DGKB: variants seen among roughly 807,000 people sequenced by gnomAD.
DGKB encodes the protein 90 kDa diacylglycerol kinase.
DGKB carries 67 observed loss-of-function variants against 114.3 expected under a neutral mutation model. That is an observed-to-expected ratio of 0.59 (90% confidence interval 0.48 to 0.72). The LOEUF is 0.72. Among genes scored for constraint, DGKB ranks in the 30% least tolerant of loss-of-function variants. DGKB has a pLI of 0.00. For synonymous variants in DGKB, 398 were observed against 323.1 expected (o/e 1.23, Z -2.49); for missense variants, 907 against 975.2 (o/e 0.93, Z 0.93).
intron 9 of DGKB, among the ~76,000 whole-genome samples, chr7:14,687,816 G>C (rs1180256025): frequency 1.3e-5 from 2 of 152,256 alleles, no homozygotes; most frequent in Non-Finnish European, 2.9e-5. Context: ...GAGCACATAT[G>C]GAGTAAGTTA....
intron 21 of DGKB, among the ~76,000 whole-genome samples, chr7:14,408,326 T>C (rs1471424009): frequency 2.6e-5 from 4 of 152,192 alleles, no homozygotes; most frequent in Admixed American, 6.5e-5. Flanking sequence ...GATTTTTGTC[T>C]TGGAGGGAGT....
At chr7:14,557,212 G>A (rs941752592) in intron 20 of DGKB, among the ~76,000 whole-genome samples, 2 of 152,154 alleles carry the variant, frequency 1.3e-5, no homozygotes, top group African/African-American at 4.8e-5. Flanking sequence ...GCTACCGCTT[G>A]CTCTTCAGCA....
At chr7:14,522,932 G>A (rs984018324) in intron 20 of DGKB, among the ~76,000 whole-genome samples, 8 of 152,056 alleles carry the variant, frequency 5.3e-5, no homozygotes, top group African/African-American at 9.7e-5. Context: ...ATACGGAATT[G>A]GCCTAGTTTT....
chr7:14,309,129 T>C (rs576949257), intron 23 of DGKB, among the ~76,000 whole-genome samples: 1 of 152,062 alleles, frequency 6.6e-6, no homozygotes, highest in Non-Finnish European at 1.5e-5. Context: ...GGTGGGAGAA[T>C]TGCTTGATCC....
At chr7:14,860,296 C>T (rs920644255) in intron 1 of DGKB, among the ~76,000 whole-genome samples, 4 of 151,982 alleles carry the variant, frequency 2.6e-5, no homozygotes, top group Non-Finnish European at 4.4e-5. Context: ...CATTTTCTTA[C>T]AAAAATTTAT....
chr7:14,717,353 G>A (rs142586648), intron 6 of DGKB, among the ~76,000 whole-genome samples: 256 of 152,136 alleles, frequency 1.7e-3, no homozygotes, highest in Admixed American at 2.9e-3. Flanking sequence ...TAACACCTGA[G>A]CAAACTTTCT....
At chr7:14,703,426 G>A (rs1434621519) in intron 6 of DGKB, among the ~76,000 whole-genome samples, 1 of 152,198 alleles carries the variant, frequency 6.6e-6, no homozygotes, top group East Asian at 1.9e-4. Context: ...TACTGACAGT[G>A]TCTGAAACTT....
intron 13 of DGKB, among the ~76,000 whole-genome samples, chr7:14,635,173 A>G (rs896014582): frequency 6.6e-6 from 1 of 150,758 alleles, no homozygotes; most frequent in Non-Finnish European, 1.5e-5. Context: ...ATGGTAAAAT[A>G]TATTTTTAAC....
chr7:14,168,993 C>G (rs1780407811), intron 25 of DGKB, among the ~76,000 whole-genome samples: 1 of 152,064 alleles, frequency 6.6e-6, no homozygotes, highest in South Asian at 2.1e-4. Context: ...ATAATTAATT[C>G]AGGCAATCTG....
At chr7:14,884,847 G>A (rs1854781443) in intron 1 of DGKB, among the ~76,000 whole-genome samples, 1 of 151,972 alleles carries the variant, frequency 6.6e-6, no homozygotes, top group Admixed American at 6.6e-5. Flanking sequence ...GCCACTTTTT[G>A]TTAAGAAGCC....
rs566719980 is a variant in DGKB, at chr7:14,226,722, T to C, written c.2123-48571A>G. On this transcript the variant is annotated intron_variant, in intron 23 of 25. Coordinates refer to ENST00000402815, the MANE Select transcript of DGKB (RefSeq NM_001350709.2). The stretch of plus-strand genomic sequence containing the variant: ...AATTTTTCAGATAATTATCAAATAT[T>C]TATCAATATCCAGTTTCATTTAACT... 4.2e-3 allele frequency among the ~76,000 whole-genome samples: 633 copies of C among 152,130 alleles called. 3 individuals are homozygous for C. The highest frequency in any genetic ancestry group is 7.1e-3 in the Non-Finnish European group (485 of 67,956).
chr7:14,236,254 C>T (rs1313969800), intron 23 of DGKB, among the ~76,000 whole-genome samples: 1 of 151,362 alleles, frequency 6.6e-6, no homozygotes, highest in Non-Finnish European at 1.5e-5. Flanking sequence ...AGGTAAACTC[C>T]CAACATGAAA....
At chr7:14,260,109 AACACACACACACAC>A (rs72000049) in intron 23 of DGKB, among the ~76,000 whole-genome samples, 10 of 143,296 alleles carry the variant, frequency 7.0e-5, no homozygotes, top group Non-Finnish European at 1.1e-4. Flanking sequence ...CACACACATG[AACACACACACACAC>A]ACACACACAC....
chr7:14,439,621 T>A (rs943840096), intron 21 of DGKB, among the ~76,000 whole-genome samples: 1 of 152,022 alleles, frequency 6.6e-6, no homozygotes, highest in East Asian at 1.9e-4. Context: ...TCCAGCACTT[T>A]GGGAGGCCGA....
rs1211822131 is a variant in DGKB at position 14,145,248 on chromosome 7, C to T, written c.*3883G>A. On this transcript the variant is annotated 3_prime_UTR_variant, in exon 26 of 26. Coordinates refer to ENST00000402815, the MANE Select transcript of DGKB (RefSeq NM_001350709.2). ...GTTTTAAGTGGTGATTTCTGCCTCT[C>T]ACAAAATAAAAGCTCTTTTACAGGG... 6.6e-6 allele frequency: 1 copy of T among 152,058 alleles called. No individual in the cohort carries two copies. Among genetic ancestry groups the T allele is most frequent in the East Asian group, 1.9e-4 (1 of 5,188 alleles). The allele number at this position is 152,058 out of a possible 1,614,324, so 9.4% of individuals were successfully genotyped here.
chr7:14,643,558 T>C (rs1812263071), intron 13 of DGKB, among the ~76,000 whole-genome samples: 1 of 152,136 alleles, frequency 6.6e-6, no homozygotes, highest in South Asian at 2.1e-4. Context: ...CAACTGGAAC[T>C]GGTGGTACAA....
chr7:14,493,450 G>C (rs942578590), intron 20 of DGKB, among the ~76,000 whole-genome samples: 2 of 152,038 alleles, frequency 1.3e-5, no homozygotes, highest in Admixed American at 6.6e-5. Context: ...TAAAAGTTAC[G>C]TGAATGTGGT....
At chr7:14,509,618 G>T (rs924327597) in intron 20 of DGKB, among the ~76,000 whole-genome samples, 1 of 152,082 alleles carries the variant, frequency 6.6e-6, no homozygotes, top group African/African-American at 2.4e-5. Flanking sequence ...TTTCCTCATC[G>T]GTTCCTCCCC....
chr7:14,431,337 G>GTAATAT (rs1249730496), intron 21 of DGKB, among the ~76,000 whole-genome samples: 34 of 152,162 alleles, frequency 2.2e-4, no homozygotes, highest in Admixed American at 7.2e-4. Context: ...ACTTTAAGCA[G>GTAATAT]TAATATTAAA....
Sources: gnomAD v4.1 joint callset for allele counts (sites outside exome capture counted in the v4.1 genomes callset) on GRCh38, gnomAD v4.1.1 for gene constraint, MANE v1.5 for transcripts, NCBI Gene and HGNC (gene_info 2026-07-23, HGNC 2026-07-21) for gene names.